WDR90: variants seen among roughly 807,000 people sequenced by gnomAD.
WDR90 encodes WD repeat-containing protein 90.
In WDR90, 238 loss-of-function variants were observed where a neutral mutation model predicts 195.2. The observed-to-expected ratio is 1.22, with a 90% CI of 1.10 to 1.36. WDR90 has a LOEUF of 1.36. Ranked by LOEUF, WDR90 falls within the 40% of genes most tolerant of loss-of-function variation. The pLI is 0.00. For synonymous variants in WDR90, 1,265 were observed against 1,052.4 expected, an observed-to-expected ratio of 1.20 and a Z score of -3.91; for missense variants, 2,734 against 2,439.5, an observed-to-expected ratio of 1.12 and a Z score of -2.54.
chr16:667,803 C>A lies in WDR90; in HGVS notation c.*214C>A. On this transcript the variant is annotated 3_prime_UTR_variant, in exon 41 of 41. Coordinates refer to ENST00000293879, the MANE Select transcript of WDR90 (RefSeq NM_145294.5). ...CCTAAGAAATCTTTAATGTTTCTAT[C>A]TTGTAATAAACATGGGCATTTATTG... is the stretch of plus-strand genomic sequence containing the variant. The A allele has an allele frequency of 1.4e-6, 1 of 696,806 alleles. No individual in the cohort carries two copies. The highest frequency in any genetic ancestry group is 2.2e-5 in the Admixed American group (1 of 45,848). 43.2% of individuals were successfully genotyped at this position (696,806 alleles called of 1,614,324 possible). A position where few individuals can be genotyped will look rare whatever the true frequency, so the allele number is the denominator to read the frequency against.
Position 656,463 on chromosome 16 carries a change from C to T in WDR90, c.2128C>T (p.Gln710Ter). The stretch of plus-strand genomic sequence containing the variant: ...CCCGGTGTTGGCCCTCGCCATGGAG[C>T]AGAGGCGGGGACAGCTGGCCACCGT... ...TAPVLALAME[Q>*]RRGQLATVSQ... The change falls in exon 18 of 41, where the codon CAG becomes TAG. Residue 710 changes from glutamine to a stop codon, truncating the protein, a stop_gained. Coordinates refer to ENST00000293879, the MANE Select transcript of WDR90 (RefSeq NM_145294.5). LOFTEE classifies it high-confidence loss of function. 1.3e-6 allele frequency: 2 copies of T among 1,597,254 alleles called. No homozygotes were observed. The highest frequency in any genetic ancestry group is 8.5e-7 in the Non-Finnish European group (1 of 1,174,752).
chr16:650,666 G>C lies in WDR90; in HGVS notation c.516G>C (p.Leu172=). 1 of 1,612,628 alleles carries C rather than the reference G, an allele frequency of 6.2e-7. No homozygotes were observed. Among genetic ancestry groups the C allele is most frequent in the African/African-American group, 1.3e-5 (1 of 75,044 alleles). Residue 172 remains leucine, a synonymous_variant, in exon 5 of 41, where the codon CTG becomes CTC. Transcript: ENST00000293879. ...AGAGCATCAGGCTGTGCGCCAGCCT[G>C]CTGGTCAGGAACCTGTACACCAGTG... ...HLKSIRLCAS[L]LVRNLYTSDL... is the part of the protein sequence containing the mutation.
At position 656,741 on chromosome 16, in the gene WDR90, T is replaced by G. The variant is rs2151241539; in HGVS notation, c.2212T>G (p.Phe738Val). Residue 738 changes from phenylalanine to valine, a missense_variant, in exon 19 of 41, where the codon TTC becomes GTC. Physicochemically the swap from Phe to Val is conservative, Grantham distance 50. Coordinates refer to ENST00000293879, the MANE Select transcript of WDR90 (RefSeq NM_145294.5). The part of the protein sequence containing the change: ...DLATLQQLYD[F>V]TSSEDAPCAV... ...GGCCCCTGTCCCACAGCTATACGAC[T>G]TCACATCATCAGAGGACGCCCCGTG... 2.5e-6 allele frequency: 4 copies of G among 1,613,028 alleles called. No homozygotes were observed. The highest frequency in any genetic ancestry group is 3.4e-6 in the Non-Finnish European group (4 of 1,179,880).
chr16:665,924 G>A (rs1327388021), intron 35 of WDR90, 26 bp from the exon 36 acceptor site: 1 of 1,569,902 alleles, frequency 6.4e-7, no homozygotes, highest in Non-Finnish European at 8.6e-7. Context: ...TGTGAGTGCT[G>A]AAGTTTCCCC....
At chr16:656,669 C>A (rs1266526265) in intron 18 of WDR90, 63 bp from the exon 19 acceptor site, 2 of 1,578,100 alleles carry the variant, frequency 1.3e-6, no homozygotes, top group African/African-American at 1.4e-5. Context: ...GTTTGGGCCG[C>A]CTGGAGAGCC....
upstream of WDR90, chr16:649,307 A>G (rs998130494): frequency 1.2e-5 from 15 of 1,251,292 alleles, no homozygotes; most frequent in African/African-American, 1.6e-4. Flanking sequence ...ATGACGGCGG[A>G]AGTAATGGCG....
In WDR90 at chr16:667,472, C is replaced by T. The variant is rs777557710; in HGVS notation, c.5130C>T (p.Ala1710=). Reference sequence around the variant, plus strand: ...TGGTAGACTGTGCCATGGGGACTGCCCAAGACTTTGCCGGCCACGACAACG... The same window carrying T: ...TGGTAGACTGTGCCATGGGGACTGCTCAAGACTTTGCCGGCCACGACAACG... ...LRLVDCAMGT[A]QDFAGHDNAV... is the part of the protein sequence containing the mutation. Residue 1710 remains alanine (A), a synonymous_variant, in exon 41 of 41, where the codon GCC becomes GCT. Transcript: ENST00000293879. 4.3e-6 allele frequency: 7 copies of T among 1,610,104 alleles called. No individual in the cohort carries two copies. Among genetic ancestry groups the T allele is most frequent in the Non-Finnish European group, 5.9e-6 (7 of 1,177,860 alleles).
At chr16:652,363 T>C (rs2037664210) in intron 9 of WDR90, 104 bp from the exon 10 acceptor site, 2 of 1,364,182 alleles carry the variant, frequency 1.5e-6, no homozygotes, top group Non-Finnish European at 2.0e-6. Flanking sequence ...GCAGTCTTCT[T>C]GAGAGGCAGG....
At chr16:653,997 C>T in intron 13 of WDR90, 194 bp downstream of exon 13, 2 of 674,966 alleles carry the variant, frequency 3.0e-6, no homozygotes, top group South Asian at 2.1e-5. Context: ...CCACCAGCAG[C>T]TCACATTTCA....
At chr16:665,470 G>A in intron 34 of WDR90, 1 of 709,426 alleles carries the variant, frequency 1.4e-6, no homozygotes, top group Non-Finnish European at 2.3e-6. Flanking sequence ...TGGCTAGTGG[G>A]CTTGCTTTGG....
chr16:665,524 G>C (rs765334145), intron 34 of WDR90, 155 bp from the exon 35 acceptor site: 2 of 1,201,622 alleles, frequency 1.7e-6, no homozygotes, highest in Non-Finnish European at 2.4e-6. Context: ...CACGGGGGCC[G>C]GCATTGCTCC....
rs200439148 is a variant in WDR90, at chr16:661,754, C to A, written c.3831C>A (p.Leu1277=). The change falls in exon 31 of 41, where the codon CTC becomes CTA. Residue 1277 remains leucine, a synonymous_variant. Transcript: ENST00000293879. ...CVGQGTVTFW[L]LQQRGADISL... is the part of the protein sequence containing the mutation. Reference sequence around the variant, plus strand: ...GCCAGGGCACTGTCACCTTCTGGCTCCTTCAGCAGCGTGGGGCAGACATCA... The same window carrying A: ...GCCAGGGCACTGTCACCTTCTGGCTACTTCAGCAGCGTGGGGCAGACATCA... The A allele has an allele frequency of 6.2e-7, 1 of 1,608,666 alleles. No homozygotes were observed. Among genetic ancestry groups the A allele is most frequent in the East Asian group, 2.2e-5 (1 of 44,816 alleles).
In WDR90 at chr16:656,739, A is replaced by T. The variant is rs1202829757; in HGVS notation, c.2210A>T (p.Asp737Val). Reference protein sequence around the residue: ...WDLATLQQLYDFTSSEDAPCA... With the variant: ...WDLATLQQLYVFTSSEDAPCA... ...ACGGCCCCTGTCCCACAGCTATACG[A>T]CTTCACATCATCAGAGGACGCCCCG... is the stretch of plus-strand genomic sequence containing the variant. Residue 737 changes from aspartate (D) to valine (V), a missense_variant, in exon 19 of 41, where the codon GAC becomes GTC. Asp to Val is a radical substitution (Grantham distance 152, BLOSUM62 -3). Transcript: ENST00000293879. 1 of 1,612,820 alleles carries T rather than the reference A, an allele frequency of 6.2e-7. No homozygotes were observed. Among genetic ancestry groups the T allele is most frequent in the Admixed American group, 1.7e-5 (1 of 59,992 alleles).
At chr16:657,488 C>T (rs1287607719) in intron 20 of WDR90, 1 of 703,976 alleles carries the variant, frequency 1.4e-6, no homozygotes. Context: ...GGAGTCAGAC[C>T]CAGGCATGGG....
At chr16:663,047 G>T (rs1233769001) in intron 34 of WDR90, 3 of 765,578 alleles carry the variant, frequency 3.9e-6, no homozygotes, top group African/African-American at 3.4e-5. Flanking sequence ...CAAGCGAGCC[G>T]CCTGGCAGGC....
chr16:657,178 G>C lies in WDR90; in HGVS notation c.2430G>C (p.Gln810His). ...CCTGCTCCCAGGGCTCCCTGGCCCAGTACAGCTGTGCGGACCCCCAGTGGC... is the reference window on the plus strand; with the variant it reads ...CCTGCTCCCAGGGCTCCCTGGCCCACTACAGCTGTGCGGACCCCCAGTGGC... ...FSSCSQGSLA[Q>H]YSCADPQWHV... is the part of the protein sequence containing the mutation. The change falls in exon 20 of 41, where the codon CAG becomes CAC. Residue 810 changes from glutamine to histidine, a missense_variant. Physicochemically the swap from Gln to His is conservative, Grantham distance 24. Coordinates refer to ENST00000293879, the MANE Select transcript of WDR90 (RefSeq NM_145294.5). 6.4e-7 allele frequency: 1 copy of C among 1,557,544 alleles called. No individual in the cohort carries two copies. The highest frequency in any genetic ancestry group is 8.7e-7 in the Non-Finnish European group (1 of 1,151,218).
Position 658,695 on chromosome 16 carries a change from C to T in WDR90, c.2895+42C>T, listed in dbSNP as rs543274380. 5.0e-6 allele frequency: 8 copies of T among 1,593,178 alleles called. No individual in the cohort carries two copies. In the East Asian group the frequency reaches 1.1e-4, roughly 22 times the overall value. ...GCAGGTGGCTTTGGCGGTCAGGAGC[C>T]TCCTCAGGTGGCCCTGGAGACCCCT... On this transcript the variant is annotated intron_variant, in intron 23 of 40. Coordinates refer to ENST00000293879, the MANE Select transcript of WDR90 (RefSeq NM_145294.5).
chr16:667,530 A>G lies in WDR90; in HGVS notation c.5188A>G (p.Arg1730Gly). 1 of 1,612,304 alleles carries G rather than the reference A, an allele frequency of 6.2e-7. No homozygotes were observed. Among genetic ancestry groups the G allele is most frequent in the Non-Finnish European group, 8.5e-7 (1 of 1,179,978 alleles). The change falls in exon 41 of 41, where the codon AGG becomes GGG. Residue 1730 changes from arginine to glycine, a missense_variant. Coordinates refer to ENST00000293879, the MANE Select transcript of WDR90 (RefSeq NM_145294.5). ...VHLCRFTPSA[R>G]LLFTAARNEI... ...CCTGTGCAGGTTTACACCGTCCGCC[A>G]GGCTGCTCTTCACGGCCGCCCGCAA... is the stretch of plus-strand genomic sequence containing the variant.
rs1350748953 is a variant in WDR90 at position 655,103 on chromosome 16, CTT to C, written c.1514_1515del (p.Phe505Ter). On this transcript the variant is annotated frameshift_variant, in exon 14 of 41. Transcript: ENST00000293879. LOFTEE classifies it high-confidence loss of function. The stretch of plus-strand genomic sequence containing the variant: ...TCGTTCTGGCAAAGGCGCACACTGA[CTT>C]TGACGTCCAGGCCTTCCGGGTCACC... ...VVVLAKAHTD[F>X]DVQAFRVTFF... 4.3e-6 allele frequency: 7 copies of C among 1,612,730 alleles called. No individual in the cohort carries two copies. The African/African-American group carries it at 9.3e-5, about 22-fold the overall frequency.
Sources: gnomAD v4.1 joint callset for allele counts on GRCh38, gnomAD v4.1.1 for gene constraint, MANE v1.5 for transcripts, NCBI Gene and HGNC (gene_info 2026-07-23, HGNC 2026-07-21) for gene names.